The following SLC38A9 variants were observed in gnomAD, a reference collection of about 807,000 sequenced individuals.
The protein encoded by SLC38A9 is neutral amino acid transporter 9.
In SLC38A9, 48 loss-of-function variants were observed where a neutral mutation model predicts 62.3. The ratio of observed to expected loss-of-function variants is 0.77; its 90% confidence interval spans 0.61 to 0.98. The LOEUF (loss-of-function observed/expected upper bound fraction) is 0.98, where lower values mean the gene tolerates loss of function less well. Ranked by LOEUF, SLC38A9 falls within the 50% of genes least tolerant of loss-of-function variation. The pLI, the probability that SLC38A9 is intolerant of heterozygous loss-of-function variation, is 0.00. For missense variants in SLC38A9, 541 were observed against 679.8 expected (o/e 0.80, Z 2.27); for synonymous variants, 204 against 227.7 (o/e 0.90, Z 0.94).
At chr5:55,662,253 C>T (rs1229009453) in intron 8 of SLC38A9, among the ~76,000 whole-genome samples, 1 of 152,092 alleles carries the variant, frequency 6.6e-6, no homozygotes, top group Admixed American at 6.5e-5. Flanking sequence ...AAATGTTTAT[C>T]AACGAGAACA....
At chr5:55,627,488 C>T (rs577705024) in intron 15 of SLC38A9, among the ~76,000 whole-genome samples, 1 of 152,130 alleles carries the variant, frequency 6.6e-6, no homozygotes, top group Non-Finnish European at 1.5e-5. Flanking sequence ...TTGAAAAATA[C>T]TTTTGAGTAG....
chr5:55,679,842 G>T (rs868361621), intron 3 of SLC38A9, among the ~76,000 whole-genome samples: 1 of 152,178 alleles, frequency 6.6e-6, no homozygotes, highest in Non-Finnish European at 1.5e-5. Context: ...TCCCAAGTGG[G>T]AAAGTTTTCC....
intron 10 of SLC38A9, among the ~76,000 whole-genome samples, 155 bp downstream of exon 10, chr5:55,652,374 A>G (rs557835829): frequency 5.2e-4 from 78 of 150,528 alleles, no homozygotes; most frequent in East Asian, 7.7e-4. Flanking sequence ...AAAAAAAAAA[A>G]AAAGAAAGAA....
chr5:55,666,911 A>G (rs1212097983), intron 7 of SLC38A9, among the ~76,000 whole-genome samples: 1 of 152,126 alleles, frequency 6.6e-6, no homozygotes, highest in Non-Finnish European at 1.5e-5. Context: ...GCTACTCGGG[A>G]GGCTGAGGCA....
intron 10 of SLC38A9, among the ~76,000 whole-genome samples, chr5:55,651,411 G>A (rs977795465): frequency 3.3e-5 from 5 of 151,566 alleles, no homozygotes; most frequent in East Asian, 3.9e-4. Context: ...CACCACGCCC[G>A]GCTAATTTTT....
At chr5:55,697,268 C>T (rs1276969461) in intron 3 of SLC38A9, 4 of 154,098 alleles carry the variant, frequency 2.6e-5, no homozygotes, top group Non-Finnish European at 5.8e-5. Flanking sequence ...CCAGCCTGGG[C>T]GCCATTGAGC....
intron 3 of SLC38A9, among the ~76,000 whole-genome samples, chr5:55,688,446 C>A (rs1241845086): frequency 2.8e-5 from 4 of 144,580 alleles, no homozygotes; most frequent in Admixed American, 7.2e-5. Context: ...GTGGCCCGAT[C>A]CCGGCTCACT....
chr5:55,692,004 GA>G (rs1754819520), intron 3 of SLC38A9, among the ~76,000 whole-genome samples: 1 of 152,138 alleles, frequency 6.6e-6, no homozygotes, highest in African/African-American at 2.4e-5. Flanking sequence ...CCACCTAGTG[GA>G]AGAGATAGAA....
chr5:55,682,281 A>G (rs1464380860), intron 3 of SLC38A9, among the ~76,000 whole-genome samples: 1 of 152,188 alleles, frequency 6.6e-6, no homozygotes, highest in Non-Finnish European at 1.5e-5. Context: ...ACCTCAGCCA[A>G]AACAACTACA....
intron 3 of SLC38A9, chr5:55,696,885 G>A (rs1401870343): frequency 2.5e-5 from 4 of 161,352 alleles, no homozygotes; most frequent in African/African-American, 7.3e-5. Flanking sequence ...TCCCAGACGG[G>A]GTGGCGGCCG....
At chr5:55,697,771 T>C in intron 3 of SLC38A9, 75 bp downstream of exon 3, 1 of 688,276 alleles carries the variant, frequency 1.5e-6, no homozygotes, top group Non-Finnish European at 2.4e-6. Context: ...AATCTATACA[T>C]GTTTGGTTAT....
chr5:55,689,538 T>C (rs1317820711), intron 3 of SLC38A9, among the ~76,000 whole-genome samples: 1 of 152,232 alleles, frequency 6.6e-6, no homozygotes, highest in Non-Finnish European at 1.5e-5. Flanking sequence ...ATAGCATAAT[T>C]ATACTATTAC....
chr5:55,641,216 G>C (rs115197753), intron 12 of SLC38A9, among the ~76,000 whole-genome samples: 4 of 152,192 alleles, frequency 2.6e-5, no homozygotes. Flanking sequence ...AACCTACCAA[G>C]AGTAGTCTGA....
intron 3 of SLC38A9, among the ~76,000 whole-genome samples, chr5:55,676,439 A>G (rs1218906140): frequency 6.6e-6 from 1 of 152,146 alleles, no homozygotes. Context: ...TGGCCTCCCA[A>G]AGTGTTGGGA....
At chr5:55,657,915 A>G (rs887400966) in intron 8 of SLC38A9, 2 of 152,204 alleles carry the variant, frequency 1.3e-5, no homozygotes, top group African/African-American at 4.8e-5. Flanking sequence ...GTTGTTTATG[A>G]TTTAAGATTG....
chr5:55,691,358 A>T (rs1407865658), intron 3 of SLC38A9: 1 of 1,420,166 alleles, frequency 7.0e-7, no homozygotes, highest in African/African-American at 1.4e-5. Context: ...GTTTACAAAG[A>T]ATTGCCTAAG....
intron 6 of SLC38A9, 88 bp downstream of exon 6, chr5:55,669,469 T>C: frequency 1.5e-6 from 2 of 1,366,012 alleles, no homozygotes; most frequent in Non-Finnish European, 2.0e-6. Flanking sequence ...ATGAATTTTA[T>C]GTAGATTTAT....
intron 1 of SLC38A9, among the ~76,000 whole-genome samples, chr5:55,711,900 C>T (rs1758098896): frequency 6.6e-6 from 1 of 152,180 alleles, no homozygotes; most frequent in African/African-American, 2.4e-5. Flanking sequence ...TCATTTACCC[C>T]AACCCTATCT....
chr5:55,702,641 T>G (rs895250322), intron 2 of SLC38A9: 1 of 150,064 alleles, frequency 6.7e-6, no homozygotes, highest in Non-Finnish European at 1.5e-5. Context: ...TACTTGCTCT[T>G]TTTTTTTTAA....
Sources: gnomAD v4.1 joint callset for allele counts (sites outside exome capture counted in the v4.1 genomes callset) on GRCh38, gnomAD v4.1.1 for gene constraint, MANE v1.5 for transcripts, NCBI Gene and HGNC (gene_info 2026-07-23, HGNC 2026-07-21) for gene names.